The following RAPGEF5 variants were observed in gnomAD, a reference collection of about 807,000 sequenced individuals.
RAPGEF5 encodes Rap guanine nucleotide exchange factor 5.
In RAPGEF5, 65 loss-of-function variants were observed where a neutral mutation model predicts 125.2. The ratio of observed to expected loss-of-function variants is 0.52; its 90% CI spans 0.43 to 0.64. The LOEUF is 0.64. Among genes scored for constraint, RAPGEF5 ranks in the 30% least tolerant of loss-of-function variants. The pLI is 0.00. For missense variants in RAPGEF5, 958 were observed against 1,048.1 expected (o/e 0.91, Z 1.19); for synonymous variants, 391 against 385.9 (o/e 1.01, Z -0.16).
At chr7:22,295,859 G>C (rs78238116) in intron 5 of RAPGEF5, among the ~76,000 whole-genome samples, 4,165 of 152,170 alleles carry the variant, frequency 0.027, 192 homozygotes, top group African/African-American at 0.095. Flanking sequence ...GAGTACAAAG[G>C]GTAGGCTTCA....
chr7:22,330,219 A>G (rs1375264614), intron 1 of RAPGEF5, among the ~76,000 whole-genome samples: 1 of 152,134 alleles, frequency 6.6e-6, no homozygotes. Context: ...TGGATGGGGG[A>G]AAGTGAGTTA....
At chr7:22,301,143 G>T (rs1237675503) in intron 5 of RAPGEF5, among the ~76,000 whole-genome samples, 1 of 152,112 alleles carries the variant, frequency 6.6e-6, no homozygotes, top group East Asian at 1.9e-4. Context: ...TTATCTAGAG[G>T]TTTCAGCTGT....
Position 22,144,756 on chromosome 7 carries a change from A to G in RAPGEF5, c.2186+288T>C, listed in dbSNP as rs563374508. Among the ~76,000 whole-genome samples the G allele has an allele frequency of 3.9e-5, 6 of 152,276 alleles. No individual in the cohort carries two copies. In the South Asian group the frequency reaches 1.2e-3, roughly 32 times the overall value. On this transcript the variant is annotated intron_variant, in intron 20 of 25. Transcript: ENST00000665637. ...TGCCTCCTGTAGCTCACCCAGACAC[A>G]CTGTAGTTCAGCTGCAGGATGAAGG...
intron 9 of RAPGEF5, among the ~76,000 whole-genome samples, chr7:22,217,811 C>A (rs10499555): frequency 0.16 from 23,673 of 152,016 alleles, 1,921 homozygotes; most frequent in Admixed American, 0.2. Context: ...ATGACAGTCA[C>A]GCAAGAAGTA....
At chr7:22,126,464 T>G (rs1782749015) in intron 24 of RAPGEF5, among the ~76,000 whole-genome samples, 1 of 152,224 alleles carries the variant, frequency 6.6e-6, no homozygotes, top group Admixed American at 6.5e-5. Flanking sequence ...GGGCTTTGGA[T>G]GTGCAGAGCC....
chr7:22,172,011 T>G (rs1227912311), intron 11 of RAPGEF5, among the ~76,000 whole-genome samples: 1 of 152,188 alleles, frequency 6.6e-6, no homozygotes, highest in African/African-American at 2.4e-5. Context: ...TAGTTTTAAC[T>G]ATTATAAAAC....
chr7:22,147,106 A>C, intron 18 of RAPGEF5, 87 bp from the exon 19 acceptor site: 16 of 1,473,788 alleles, frequency 1.1e-5, no homozygotes, highest in East Asian at 2.3e-5. Context: ...CTAGAAGCTC[A>C]GATTAGCAAA....
intron 1 of RAPGEF5, among the ~76,000 whole-genome samples, chr7:22,327,347 G>C (rs936804670): frequency 2.0e-5 from 3 of 152,058 alleles, no homozygotes; most frequent in Non-Finnish European, 2.9e-5. Flanking sequence ...ATTTACATTT[G>C]AATTTCCCCT....
intron 5 of RAPGEF5, among the ~76,000 whole-genome samples, chr7:22,306,209 T>C (rs1056554942): frequency 6.6e-6 from 1 of 152,212 alleles, no homozygotes; most frequent in Non-Finnish European, 1.5e-5. Context: ...TCCTCAGCAT[T>C]TGTAATTGCT....
intron 9 of RAPGEF5, among the ~76,000 whole-genome samples, chr7:22,206,416 G>A (rs944998241): frequency 2.0e-4 from 30 of 152,268 alleles, no homozygotes; most frequent in Admixed American, 6.5e-4. Context: ...AAAAATCCAA[G>A]TGAGGCCAAT....
rs543476480 is a variant in RAPGEF5, at chr7:22,344,906, C to G, written c.231+11924G>C. 6.6e-5 allele frequency among the ~76,000 whole-genome samples: 10 copies of G among 152,354 alleles called. No homozygotes were observed. In the South Asian group the frequency reaches 1.7e-3, roughly 25 times the overall value. On this transcript the variant is annotated intron_variant, in intron 1 of 25. Coordinates refer to ENST00000665637, the MANE Select transcript of RAPGEF5 (RefSeq NM_012294.5). ...AGGTGGTAAACAGCCAGGCATACTC[C>G]TGACCTAAGCAATGTTCTGATGATG...
At chr7:22,203,650 A>T (rs980192375) in intron 9 of RAPGEF5, among the ~76,000 whole-genome samples, 6 of 152,212 alleles carry the variant, frequency 3.9e-5, no homozygotes, top group Non-Finnish European at 8.8e-5. Flanking sequence ...TCGGAGGTAC[A>T]TCCATTCGCC....
At chr7:22,194,270 G>A (rs1264879681) in intron 9 of RAPGEF5, among the ~76,000 whole-genome samples, 1 of 152,114 alleles carries the variant, frequency 6.6e-6, no homozygotes, top group African/African-American at 2.4e-5. Flanking sequence ...TACTTTAAAG[G>A]AAATAGAAAA....
intron 13 of RAPGEF5, among the ~76,000 whole-genome samples, chr7:22,161,676 G>A (rs963519143): frequency 1.7e-4 from 26 of 152,072 alleles, no homozygotes; most frequent in African/African-American, 6.0e-4. Flanking sequence ...GGTTAGACTC[G>A]TTTTTAACTG....
chr7:22,268,576 A>C (rs566557491), intron 6 of RAPGEF5, among the ~76,000 whole-genome samples: 1 of 152,212 alleles, frequency 6.6e-6, no homozygotes, highest in Non-Finnish European at 1.5e-5. Flanking sequence ...AGTTGGGACA[A>C]AGAGGCAGAT....
At chr7:22,302,374 C>G (rs189903644) in intron 5 of RAPGEF5, among the ~76,000 whole-genome samples, 1 of 152,244 alleles carries the variant, frequency 6.6e-6, no homozygotes, top group African/African-American at 2.4e-5. Context: ...GTCAGCAATG[C>G]CAACAGACAT....
intron 11 of RAPGEF5, among the ~76,000 whole-genome samples, chr7:22,189,409 G>A (rs995367865): frequency 2.6e-5 from 4 of 152,116 alleles, no homozygotes; most frequent in African/African-American, 9.7e-5. Flanking sequence ...CTAGGGAGGA[G>A]AAAGGGTTAA....
chr7:22,317,401 C>T (rs1419264334), intron 2 of RAPGEF5, among the ~76,000 whole-genome samples: 8 of 151,936 alleles, frequency 5.3e-5, no homozygotes, highest in Non-Finnish European at 7.4e-5. Context: ...CCACCACGCC[C>T]GGCTAATTTT....
chr7:22,194,569 CTCCA>C, intron 9 of RAPGEF5: 1 of 982,924 alleles, frequency 1.0e-6, no homozygotes, highest in South Asian at 4.7e-5. Context: ...AAACTACCCA[CTCCA>C]TCATTCAATT....
Sources: gnomAD v4.1 joint callset for allele counts (sites outside exome capture counted in the v4.1 genomes callset) on GRCh38, gnomAD v4.1.1 for gene constraint, MANE v1.5 for transcripts, NCBI Gene and HGNC (gene_info 2026-07-23, HGNC 2026-07-21) for gene names.